FUT8: variants seen among roughly 807,000 people sequenced by gnomAD.
FUT8 encodes alpha-(1,6)-fucosyltransferase.
In FUT8, 29 loss-of-function variants were observed where a neutral mutation model predicts 71.3. That is an observed-to-expected ratio of 0.41 (90% CI 0.30 to 0.55). FUT8 has a LOEUF of 0.55. Ranked by LOEUF, FUT8 falls within the 20% of genes least tolerant of loss-of-function variation. The pLI is 0.34. For synonymous variants in FUT8, 254 were observed against 239.3 expected, an observed-to-expected ratio of 1.06 and a Z score of -0.57; for missense variants, 544 against 702.1, an observed-to-expected ratio of 0.77 and a Z score of 2.55.
intron 2 of FUT8, among the ~76,000 whole-genome samples, chr14:65,474,083 C>CT (rs1774859846): frequency 6.6e-6 from 1 of 151,950 alleles, no homozygotes. Flanking sequence ...CAAGCGGGAG[C>CT]TAAGTCATGG....
chr14:65,601,415 A>C (rs743085), intron 3 of FUT8, among the ~76,000 whole-genome samples: 2 of 151,956 alleles, frequency 1.3e-5, no homozygotes, highest in Non-Finnish European at 2.9e-5. Flanking sequence ...ACAAAACTGC[A>C]TATCTATAAT....
In FUT8 at chr14:65,703,280, CTGTTTGCTACA is replaced by C. The variant is rs1365879205; in HGVS notation, c.836-18491_836-18481del. 2.6e-5 allele frequency among the ~76,000 whole-genome samples: 4 copies of C among 152,218 alleles called. No homozygotes were observed. The East Asian group carries it at 7.7e-4, about 29-fold the overall frequency. On this transcript the variant is annotated intron_variant, in intron 7 of 10. Coordinates refer to ENST00000673929, the MANE Select transcript of FUT8 (RefSeq NM_001371533.1). The stretch of plus-strand genomic sequence containing the variant: ...CCATATCAGACATCTCCTCCTTGCC[CTGTTTGCTACA>C]TGTATCTTCTTCCCTCCTCCCACTT...
At chr14:65,492,356 G>A (rs1351333510) in intron 2 of FUT8, among the ~76,000 whole-genome samples, 1 of 152,200 alleles carries the variant, frequency 6.6e-6, no homozygotes, top group Non-Finnish European at 1.5e-5. Context: ...GAAACAGACT[G>A]TAGCCACACT....
At chr14:65,383,273 T>TCTTTTTTTTC in the FUT8 span, among the ~76,000 whole-genome samples, 1 of 94,520 alleles carries the variant, frequency 1.1e-5, no homozygotes, top group African/African-American at 4.9e-5. Context: ...TTCTTTTTTT[T>TCTTTTTTTTC]TTTTTTTTTT....
intron 1 of FUT8, among the ~76,000 whole-genome samples, chr14:65,441,311 C>A (rs79868430): frequency 0.026 from 3,914 of 152,012 alleles, 162 homozygotes; most frequent in African/African-American, 0.09. Flanking sequence ...TAGTATTGAA[C>A]CTTAGAATAG....
At chr14:65,543,234 C>T (rs973955046) in intron 2 of FUT8, among the ~76,000 whole-genome samples, 2 of 152,124 alleles carry the variant, frequency 1.3e-5, no homozygotes, top group Non-Finnish European at 2.9e-5. Context: ...CTGCTTTTGA[C>T]ATTTTATGCA....
At chr14:65,584,245 C>A (rs1887254618) in intron 3 of FUT8, among the ~76,000 whole-genome samples, 1 of 148,564 alleles carries the variant, frequency 6.7e-6, no homozygotes, top group African/African-American at 2.5e-5. Flanking sequence ...GTGGTGCGAT[C>A]TTGGCTCACT....
At chr14:65,605,099 T>C (rs1317466706) in intron 3 of FUT8, among the ~76,000 whole-genome samples, 1 of 151,998 alleles carries the variant, frequency 6.6e-6, no homozygotes, top group Non-Finnish European at 1.5e-5. Context: ...TTACCATATA[T>C]GAATAACCAC....
chr14:65,671,616 A>G (rs912680728), intron 7 of FUT8, among the ~76,000 whole-genome samples: 1 of 152,212 alleles, frequency 6.6e-6, no homozygotes, highest in Non-Finnish European at 1.5e-5. Context: ...CATCATTACT[A>G]GAAGAATGAT....
At chr14:65,594,247 G>A (rs1057462318) in intron 3 of FUT8, among the ~76,000 whole-genome samples, 13 of 152,140 alleles carry the variant, frequency 8.5e-5, no homozygotes, top group Non-Finnish European at 1.3e-4. Context: ...CCAGGGGCCC[G>A]GCAGTTTACT....
At chr14:65,605,666 T>G (rs1265518364) in intron 3 of FUT8, among the ~76,000 whole-genome samples, 2 of 152,006 alleles carry the variant, frequency 1.3e-5, no homozygotes, top group African/African-American at 2.4e-5. Context: ...AAAATAAATT[T>G]CTGTTGTTTA....
At chr14:65,393,949 C>T in the FUT8 span, among the ~76,000 whole-genome samples, 3 of 152,044 alleles carry the variant, frequency 2.0e-5, no homozygotes, top group Non-Finnish European at 4.4e-5. Flanking sequence ...AAGGGGGTTT[C>T]CCCTTATCAT....
chr14:65,611,197 A>ACGCG (rs112404723), intron 3 of FUT8, among the ~76,000 whole-genome samples: 2 of 61,346 alleles, frequency 3.3e-5, no homozygotes, highest in African/African-American at 1.5e-4. Flanking sequence ...ACACACACAC[A>ACGCG]CGCGCGCGCG....
In FUT8 at chr14:65,733,319, G is replaced by C. The variant is rs1321390522; in HGVS notation, c.1348G>C (p.Val450Leu). ...NRYTENSLRG[V>L]ILDIHFLSQA... ...ATACACAGAAAATTCACTTCGTGGAGTGATCCTGGATATACATTTTCTCTC... is the reference window on the plus strand; with the variant it reads ...ATACACAGAAAATTCACTTCGTGGACTGATCCTGGATATACATTTTCTCTC... Residue 450 changes from valine to leucine, a missense_variant, in exon 10 of 11, where the codon GTG (valine) becomes CTG (leucine). Physicochemically the swap from Val to Leu is conservative, Grantham distance 32. Transcript: ENST00000673929. 6.2e-7 allele frequency: 1 copy of C among 1,611,162 alleles called. No individual in the cohort carries two copies. Among genetic ancestry groups the C allele is most frequent in the Admixed American group, 1.7e-5 (1 of 59,736 alleles).
chr14:65,607,827 G>A lies in FUT8; in HGVS notation c.204-8151G>A, dbSNP rs566798490. ...GCCTGTAATCCCAGCACTTTGGGAGGCTGAAGTGGGCAGATCATGAGGTCA... is the reference window on the plus strand; with the variant it reads ...GCCTGTAATCCCAGCACTTTGGGAGACTGAAGTGGGCAGATCATGAGGTCA... On this transcript the variant is annotated intron_variant, in intron 3 of 10. Transcript: ENST00000673929. This position sits in a 1 kb window ranked among gnomAD's most constrained non-coding sequence, Gnocchi z 4.1. 1.3e-5 allele frequency among the ~76,000 whole-genome samples: 2 copies of A among 151,950 alleles called. No homozygotes were observed. The highest frequency in any genetic ancestry group is 2.1e-4 in the South Asian group (1 of 4,778).
the FUT8 span, among the ~76,000 whole-genome samples, chr14:65,365,045 C>T: frequency 2.6e-5 from 4 of 152,304 alleles, no homozygotes; most frequent in South Asian, 8.3e-4. Flanking sequence ...TATTCTCCCT[C>T]ACTCTATTCT....
At chr14:65,598,218 T>TA (rs145294123) in intron 3 of FUT8, among the ~76,000 whole-genome samples, 2,962 of 151,908 alleles carry the variant, frequency 0.019, 40 homozygotes, top group Non-Finnish European at 0.032. Flanking sequence ...CTGTATTTAC[T>TA]AAAAAAAAAT....
intron 6 of FUT8, chr14:65,646,224 A>G (rs1164482264): frequency 6.6e-6 from 1 of 152,184 alleles, no homozygotes; most frequent in African/African-American, 2.4e-5. Context: ...TTCCCATTGA[A>G]CTAGGAGGGC....
At chr14:65,493,061 G>A (rs1412286873) in intron 2 of FUT8, among the ~76,000 whole-genome samples, 1 of 152,068 alleles carries the variant, frequency 6.6e-6, no homozygotes, top group African/African-American at 2.4e-5. Context: ...GTGTACAAGC[G>A]TGAATCAGTG....
Sources: allele counts gnomAD v4.1 joint callset (sites outside exome capture counted in the v4.1 genomes callset), GRCh38; gene constraint gnomAD v4.1.1; non-coding constraint Gnocchi (gnomAD v3.1); transcripts MANE v1.5; gene names NCBI Gene and HGNC (gene_info 2026-07-23, HGNC 2026-07-21).